Variants in TANC2 observed in about 807,000 individuals in gnomAD.
The protein encoded by TANC2 is protein TANC2.
TANC2 carries 26 observed loss-of-function variants against 210.5 expected under a neutral mutation model. The ratio of observed to expected loss-of-function variants is 0.12; its 90% confidence interval spans 0.09 to 0.17. The LOEUF is 0.17. Ranked by LOEUF, TANC2 falls within the 10% of genes least tolerant of loss-of-function variation. The pLI, the probability that TANC2 is intolerant of heterozygous loss-of-function variation, is 1.00. For missense variants in TANC2, 2,129 were observed against 2,608.9 expected (o/e 0.82, Z 4.01); for synonymous variants, 931 against 967.1 (o/e 0.96, Z 0.69).
rs565563024 is a variant in TANC2 at position 63,277,448 on chromosome 17, A to G, written c.1159+9575A>G. ...TGCTTCTCTGGTCTTTCTGTCATCTAATCAGTATAATGCCTGGCTGCCAAA... is the reference window on the plus strand; with the variant it reads ...TGCTTCTCTGGTCTTTCTGTCATCTGATCAGTATAATGCCTGGCTGCCAAA... On this transcript the variant is annotated intron_variant, in intron 9 of 27. Transcript: ENST00000689528. 3.3e-5 allele frequency among the ~76,000 whole-genome samples: 5 copies of G among 152,064 alleles called. No homozygotes were observed. In the South Asian group the frequency reaches 1.0e-3, roughly 32 times the overall value.
intron 2 of TANC2, among the ~76,000 whole-genome samples, chr17:63,055,563 TGTGA>T (rs1342553193): frequency 3.9e-5 from 6 of 152,072 alleles, no homozygotes; most frequent in Non-Finnish European, 8.8e-5. Context: ...TTAAGTTTGA[TGTGA>T]GTAAGTTCTA....
At chr17:63,314,965 C>T (rs896527127) in intron 10 of TANC2, among the ~76,000 whole-genome samples, 1 of 152,124 alleles carries the variant, frequency 6.6e-6, no homozygotes, top group Non-Finnish European at 1.5e-5. Context: ...AGCAATTGCC[C>T]GTAGAGCAAT....
intron 11 of TANC2, among the ~76,000 whole-genome samples, chr17:63,339,770 G>A (rs2046165465): frequency 6.6e-6 from 1 of 152,110 alleles, no homozygotes; most frequent in South Asian, 2.1e-4. Flanking sequence ...AAATGTTAGT[G>A]ATATCAATGT....
At chr17:63,119,154 G>A (rs571705230) in intron 4 of TANC2, among the ~76,000 whole-genome samples, 40 of 152,188 alleles carry the variant, frequency 2.6e-4, no homozygotes, top group African/African-American at 9.6e-4. Flanking sequence ...TCAAACTTGG[G>A]CTCAAGCAGT....
At chr17:63,220,425 G>A (rs2042138721) in intron 7 of TANC2, among the ~76,000 whole-genome samples, 1 of 151,532 alleles carries the variant, frequency 6.6e-6, no homozygotes, top group Non-Finnish European at 1.5e-5. Flanking sequence ...GAATAGGCTG[G>A]GCACGGTGGC....
intron 2 of TANC2, among the ~76,000 whole-genome samples, chr17:63,046,045 G>A (rs1373377167): frequency 1.3e-5 from 2 of 151,950 alleles, no homozygotes; most frequent in African/African-American, 2.4e-5. Flanking sequence ...AGTTCCTTGG[G>A]AGAAAAATAC....
At chr17:62,999,920 T>C (rs1217829430) in intron 1 of TANC2, among the ~76,000 whole-genome samples, 1 of 152,232 alleles carries the variant, frequency 6.6e-6, no homozygotes, top group African/African-American at 2.4e-5. Context: ...AATGAGATCA[T>C]GTCCTTTGCA....
intron 4 of TANC2, among the ~76,000 whole-genome samples, chr17:63,113,182 T>A (rs1198170070): frequency 6.6e-6 from 1 of 152,228 alleles, no homozygotes; most frequent in East Asian, 1.9e-4. Flanking sequence ...AATTATAGTA[T>A]GGGATAATAT....
rs2042821714 is a variant in TANC2 at position 63,243,165 on chromosome 17, C to T, written c.1033+5088C>T. ...TTCTTGACAGTGAGATATCGCTATA[C>T]CCAAACCCACAAAATTAAAAGAAAT... On this transcript the variant is annotated intron_variant, in intron 8 of 27. Transcript: ENST00000689528. Among the ~76,000 whole-genome samples, 8 of 152,280 alleles carry T rather than the reference C, an allele frequency of 5.3e-5. No individual in the cohort carries two copies. The South Asian group carries it at 1.7e-3, about 32-fold the overall frequency.
intron 4 of TANC2, among the ~76,000 whole-genome samples, chr17:63,110,028 A>G (rs1157470632): frequency 1.3e-5 from 2 of 151,814 alleles, no homozygotes; most frequent in South Asian, 2.1e-4. Flanking sequence ...TATTTTCATC[A>G]TCTTCTGCTC....
In TANC2 at chr17:63,113,586, C is replaced by T. The variant is rs191206629; in HGVS notation, c.322+14229C>T. The stretch of plus-strand genomic sequence containing the variant: ...GTGGTGGCACAATCACTGCTCATTG[C>T]AGCCTCAACCTCCTGGGGTCAAGAG... On this transcript the variant is annotated intron_variant, in intron 4 of 27. Transcript: ENST00000689528. Among the ~76,000 whole-genome samples the T allele has an allele frequency of 8.5e-3, 1,287 of 152,284 alleles. 9 individuals are homozygous for T. The highest frequency in any genetic ancestry group is 0.016 in the South Asian group (76 of 4,814).
rs142262753 is a variant in TANC2 at position 63,263,951 on chromosome 17, C to T, written c.1034-3797C>T. 9.2e-5 allele frequency among the ~76,000 whole-genome samples: 14 copies of T among 152,246 alleles called. No homozygotes were observed. The South Asian group carries it at 2.1e-3, about 23-fold the overall frequency. On this transcript the variant is annotated intron_variant, in intron 8 of 27. Coordinates refer to ENST00000689528, the Ensembl canonical transcript of TANC2. ...CAATAATGCTGTGTAACAAACTATACGGAAATATAACAGCTCAACATAATC... is the reference window on the plus strand; with the variant it reads ...CAATAATGCTGTGTAACAAACTATATGGAAATATAACAGCTCAACATAATC...
chr17:63,290,675 A>G (rs1257629847), intron 9 of TANC2, among the ~76,000 whole-genome samples: 1 of 152,010 alleles, frequency 6.6e-6, no homozygotes, highest in Admixed American at 6.6e-5. Context: ...TATTTTGTGT[A>G]AAGGTTTGTT....
intron 4 of TANC2, among the ~76,000 whole-genome samples, chr17:63,112,388 T>A (rs574255466): frequency 6.6e-6 from 1 of 152,258 alleles, no homozygotes; most frequent in East Asian, 1.9e-4. Flanking sequence ...TAGGCAAAGT[T>A]CCAGGGAGGA....
intron 14 of TANC2, among the ~76,000 whole-genome samples, chr17:63,367,986 A>G (rs1367438386): frequency 1.3e-5 from 2 of 152,206 alleles, no homozygotes; most frequent in Non-Finnish European, 2.9e-5. Flanking sequence ...AAGGGAAGAG[A>G]CTGCAAGTTG....
intron 2 of TANC2, among the ~76,000 whole-genome samples, chr17:63,025,185 C>T (rs368556822): frequency 8.5e-4 from 130 of 152,212 alleles, no homozygotes; most frequent in African/African-American, 3.0e-3. Context: ...TGTGTTAATA[C>T]AGTTGATGGT....
chr17:63,273,771 G>A (rs2043791707), intron 9 of TANC2, among the ~76,000 whole-genome samples: 1 of 152,194 alleles, frequency 6.6e-6, no homozygotes, highest in African/African-American at 2.4e-5. Flanking sequence ...GGCTCTCACA[G>A]TGTGGTCCTG....
At chr17:63,166,589 A>G (rs1171694450) in intron 5 of TANC2, among the ~76,000 whole-genome samples, 1 of 152,228 alleles carries the variant, frequency 6.6e-6, no homozygotes, top group Non-Finnish European at 1.5e-5. Context: ...AAAGAAAACC[A>G]TTAAACTCAC....
intron 12 of TANC2, among the ~76,000 whole-genome samples, chr17:63,343,938 A>G (rs1184100487): frequency 6.6e-6 from 1 of 152,210 alleles, no homozygotes; most frequent in Non-Finnish European, 1.5e-5. Context: ...CATCATATTA[A>G]CAAAATAAAG....
Sources: gnomAD v4.1 joint callset for allele counts (sites outside exome capture counted in the v4.1 genomes callset) on GRCh38, gnomAD v4.1.1 for gene constraint, MANE v1.5 for transcripts, NCBI Gene and HGNC (gene_info 2026-07-23, HGNC 2026-07-21) for gene names.